The following EHMT1 variants were observed in gnomAD, a reference collection of about 807,000 sequenced individuals.
EHMT1 encodes the protein histone-lysine N-methyltransferase EHMT1.
In EHMT1, 15 loss-of-function variants were observed where a neutral mutation model predicts 147.2. The ratio of observed to expected loss-of-function variants is 0.10; its 90% CI spans 0.07 to 0.16. EHMT1 has a LOEUF of 0.16. Among genes scored for constraint, EHMT1 ranks in the 10% least tolerant of loss-of-function variants. EHMT1 has a pLI of 1.00. For missense variants in EHMT1, 1,587 were observed against 1,772.4 expected, an observed-to-expected ratio of 0.90 and a Z score of 1.88; for synonymous variants, 795 against 709.6, an observed-to-expected ratio of 1.12 and a Z score of -1.91.
At chr9:137,696,540 C>A (rs915431508) in intron 1 of EHMT1, among the ~76,000 whole-genome samples, 3 of 152,154 alleles carry the variant, frequency 2.0e-5, no homozygotes, top group Non-Finnish European at 4.4e-5. Context: ...TGTGAAATGA[C>A]GTTTTTAAAT....
At chr9:137,683,730 T>C (rs1459155812) in intron 1 of EHMT1, among the ~76,000 whole-genome samples, 1 of 152,250 alleles carries the variant, frequency 6.6e-6, no homozygotes, top group African/African-American at 2.4e-5. Context: ...TATACTTGAA[T>C]GTTAAAGTAA....
intron 6 of EHMT1, chr9:137,747,202 G>A (rs529361636): frequency 1.3e-5 from 2 of 152,036 alleles, no homozygotes; most frequent in African/African-American, 2.4e-5. Flanking sequence ...CTGTCACCCA[G>A]GGTGGAGTGC....
At chr9:137,623,143 G>A (rs1843038527) in intron 1 of EHMT1, among the ~76,000 whole-genome samples, 1 of 151,376 alleles carries the variant, frequency 6.6e-6, no homozygotes, top group Admixed American at 6.6e-5. Context: ...AACCCGGGAG[G>A]TGGAGCTTGT....
chr9:137,630,558 A>G (rs1843563354), intron 1 of EHMT1, among the ~76,000 whole-genome samples: 1 of 152,228 alleles, frequency 6.6e-6, no homozygotes, highest in Non-Finnish European at 1.5e-5. Flanking sequence ...CAAACCTAGA[A>G]ACCTCAGGAT....
intron 3 of EHMT1, among the ~76,000 whole-genome samples, chr9:137,717,885 G>A (rs1476481746): frequency 2.6e-5 from 4 of 152,224 alleles, no homozygotes; most frequent in African/African-American, 9.6e-5. Context: ...TGTCACAGAA[G>A]TGAGGGGCAA....
intron 25 of EHMT1, among the ~76,000 whole-genome samples, chr9:137,832,058 C>T (rs1956229673): frequency 6.6e-6 from 1 of 151,510 alleles, no homozygotes; most frequent in Non-Finnish European, 1.5e-5. Context: ...TGGGCTCCCT[C>T]CACAGGCTCC....
At chr9:137,715,721 C>A in intron 2 of EHMT1, 8 of 985,376 alleles carry the variant, frequency 8.1e-6, no homozygotes, top group Non-Finnish European at 9.6e-6. Flanking sequence ...GGAGAGTGAG[C>A]CTCTGTAGGG....
intron 25 of EHMT1, among the ~76,000 whole-genome samples, chr9:137,827,730 A>G (rs1301199653): frequency 3.3e-5 from 5 of 152,120 alleles, no homozygotes; most frequent in Non-Finnish European, 7.4e-5. Context: ...GCTGTTGAAC[A>G]TGCCCTCTGG....
rs1403366994 is a variant in EHMT1 at position 137,821,241 on chromosome 9, G to A, written c.3540+3103G>A. 4.7e-5 allele frequency among the ~76,000 whole-genome samples: 7 copies of A among 149,988 alleles called. 1 individual carries two copies. The highest frequency in any genetic ancestry group is 1.7e-4 in the African/African-American group (7 of 40,592). ...TCACCATCTTGGCCAGGATGGTCTC[G>A]ATCTCCTGACCTCATGATCCACCTG... On this transcript the variant is annotated intron_variant, in intron 25 of 26. Coordinates refer to ENST00000460843, the MANE Select transcript of EHMT1 (RefSeq NM_024757.5).
Position 137,742,135 on chromosome 9 carries a change from C to T in EHMT1, c.824-1236C>T, listed in dbSNP as rs536843030. Among the ~76,000 whole-genome samples, 7 of 152,284 alleles carry T rather than the reference C, an allele frequency of 4.6e-5. No homozygotes were observed. In the South Asian group the frequency reaches 6.2e-4, roughly 14 times the overall value. On this transcript the variant is annotated intron_variant, in intron 4 of 26. Transcript: ENST00000460843. ...GACGCCTGGTGTGATCGTTTCCCAG[C>T]GTCCGTGGTCCCAGGCACCTCCTTA... is the stretch of plus-strand genomic sequence containing the variant.
intron 3 of EHMT1, among the ~76,000 whole-genome samples, chr9:137,718,380 C>T (rs189669741): frequency 1.7e-4 from 26 of 152,360 alleles, no homozygotes; most frequent in East Asian, 7.7e-4. Context: ...ATCACATTCC[C>T]GTGGAATTTT....
rs549440128 is a variant in EHMT1, at chr9:137,670,675, G to T, written c.22-40292G>T. 1.1e-4 allele frequency among the ~76,000 whole-genome samples: 17 copies of T among 152,264 alleles called. No individual in the cohort carries two copies. In the East Asian group the frequency reaches 3.3e-3, roughly 29 times the overall value. ...GCAGGTCTGCAGCATATCAGCCCAG[G>T]GAACCAGTTAGTCCTCACTGAGGCC... On this transcript the variant is annotated intron_variant, in intron 1 of 26. Coordinates refer to ENST00000460843, the MANE Select transcript of EHMT1 (RefSeq NM_024757.5).
At chr9:137,634,110 G>T (rs940101874) in intron 1 of EHMT1, among the ~76,000 whole-genome samples, 3 of 152,140 alleles carry the variant, frequency 2.0e-5, no homozygotes, top group African/African-American at 7.2e-5. Flanking sequence ...ACTGTGCCCG[G>T]CCTAATTTTT....
chr9:137,632,086 G>A (rs1224180948), intron 1 of EHMT1, among the ~76,000 whole-genome samples: 1 of 152,182 alleles, frequency 6.6e-6, no homozygotes, highest in African/African-American at 2.4e-5. Context: ...ATGTGTAATA[G>A]GTTTGCAGAA....
In EHMT1 at chr9:137,776,788, C is replaced by T; in HGVS notation, c.1962C>T (p.Val654=). The T allele has an allele frequency of 1.2e-6, 2 of 1,614,048 alleles. No individual in the cohort carries two copies. Among genetic ancestry groups the T allele is most frequent in the South Asian group, 2.2e-5 (2 of 91,060 alleles). Reference sequence around the variant, plus strand: ...ACACCACCTCGACCGTGACACCAGTCCCCGGGCAGGAGAAGGGCTCGGCCC... The same window carrying T: ...ACACCACCTCGACCGTGACACCAGTTCCCGGGCAGGAGAAGGGCTCGGCCC... ...KADTTSTVTP[V]PGQEKGSALE... is the part of the protein sequence containing the mutation. Residue 654 remains valine (V), a synonymous_variant, in exon 12 of 27, where the codon GTC becomes GTT. Coordinates refer to ENST00000460843, the MANE Select transcript of EHMT1 (RefSeq NM_024757.5). This position sits in a 1 kb window ranked among gnomAD's most constrained non-coding sequence, Gnocchi z 4.4.
At chr9:137,663,330 G>T (rs1386786931) in intron 1 of EHMT1, among the ~76,000 whole-genome samples, 3 of 152,086 alleles carry the variant, frequency 2.0e-5, no homozygotes, top group African/African-American at 7.2e-5. Flanking sequence ...CCATATGGCT[G>T]GTTAGGTGTC....
intron 10 of EHMT1, among the ~76,000 whole-genome samples, chr9:137,773,935 G>A (rs939308009): frequency 6.6e-6 from 1 of 152,172 alleles, no homozygotes; most frequent in Non-Finnish European, 1.5e-5. Flanking sequence ...GTAAGGCTTT[G>A]TCTGGTGTGC....
intron 9 of EHMT1, among the ~76,000 whole-genome samples, chr9:137,760,406 T>C (rs1440023655): frequency 2.0e-5 from 3 of 152,204 alleles, no homozygotes; most frequent in Admixed American, 6.5e-5. Flanking sequence ...AAAAATCAGG[T>C]TGCTGAGCAG....
intron 1 of EHMT1, among the ~76,000 whole-genome samples, chr9:137,660,650 T>C (rs1938980263): frequency 6.6e-6 from 1 of 152,238 alleles, no homozygotes; most frequent in African/African-American, 2.4e-5. Context: ...TTTGTGTGAA[T>C]CCACATCTTC....
Sources: allele counts gnomAD v4.1 joint callset (sites outside exome capture counted in the v4.1 genomes callset), GRCh38; gene constraint gnomAD v4.1.1; non-coding constraint Gnocchi (gnomAD v3.1); transcripts MANE v1.5; gene names NCBI Gene and HGNC (gene_info 2026-07-23, HGNC 2026-07-21).